TMEM71: variants seen among roughly 807,000 people sequenced by gnomAD.
TMEM71 encodes the protein transmembrane protein 71.
In TMEM71, 44 loss-of-function variants were observed where a neutral mutation model predicts 38.0. That is an observed-to-expected ratio of 1.16 (90% CI 0.91 to 1.49). The LOEUF (loss-of-function observed/expected upper bound fraction) is 1.49, where lower values mean the gene tolerates loss of function less well. Among genes scored for constraint, TMEM71 ranks in the 40% most tolerant of loss-of-function variants. TMEM71 has a pLI of 0.00. For synonymous variants in TMEM71, 133 were observed against 122.5 expected (o/e 1.09, Z -0.56); for missense variants, 367 against 348.6 (o/e 1.05, Z -0.42).
chr8:132,716,706 G>A (rs1586783848), intron 7 of TMEM71, among the ~76,000 whole-genome samples: 1 of 152,114 alleles, frequency 6.6e-6, no homozygotes, highest in East Asian at 1.9e-4. Flanking sequence ...GGTATTGAGG[G>A]ACAACTGTAT....
Position 132,724,432 on chromosome 8 carries a change from C to T in TMEM71, c.677-2317G>A, listed in dbSNP as rs138923224. Among the ~76,000 whole-genome samples, 492 of 152,192 alleles carry T rather than the reference C, an allele frequency of 3.2e-3. 2 individuals carry two copies. The highest frequency in any genetic ancestry group is 0.01 in the African/African-American group (432 of 41,526). On this transcript the variant is annotated intron_variant, in intron 6 of 9. Transcript: ENST00000677595. ...ATTCCTTGCTAGGAAAAGAATTTAG[C>T]GATGTCTCTCCTACTTGCACATCCA...
intron 5 of TMEM71, among the ~76,000 whole-genome samples, 180 bp downstream of exon 5, chr8:132,746,762 C>T (rs1380124678): frequency 6.6e-6 from 1 of 152,114 alleles, no homozygotes; most frequent in Non-Finnish European, 1.5e-5. Context: ...GACATAGACA[C>T]ATATGTGTTT....
chr8:132,765,929 C>T, the TMEM71 span, among the ~76,000 whole-genome samples: 1 of 152,060 alleles, frequency 6.6e-6, no homozygotes, highest in African/African-American at 2.4e-5. Context: ...GCTGGGATTA[C>T]AGGCACCCGC....
At chr8:132,721,142 T>C (rs935987119) in intron 7 of TMEM71, among the ~76,000 whole-genome samples, 1 of 152,168 alleles carries the variant, frequency 6.6e-6, no homozygotes, top group African/African-American at 2.4e-5. Flanking sequence ...TCTGGAGGAT[T>C]CTAAGAGGCA....
intron 7 of TMEM71, among the ~76,000 whole-genome samples, chr8:132,721,473 A>G (rs1368952226): frequency 6.6e-6 from 1 of 151,338 alleles, no homozygotes; most frequent in African/African-American, 2.4e-5. Flanking sequence ...AAAGCAATCC[A>G]CTGTAAAATA....
At chr8:132,706,990 T>C (rs1332085036), downstream of TMEM71, among the ~76,000 whole-genome samples, 1 of 152,176 alleles carries the variant, frequency 6.6e-6, no homozygotes. Flanking sequence ...CAACTTTCAG[T>C]TGGCAAGAAA....
intron 5 of TMEM71, 131 bp from the exon 6 acceptor site, chr8:132,728,117 C>A: frequency 1.6e-6 from 1 of 644,048 alleles, no homozygotes; most frequent in Non-Finnish European, 2.5e-6. Flanking sequence ...TACGGTATTG[C>A]ACTACCATAG....
rs751493294 is a variant in TMEM71 at position 132,714,215 on chromosome 8, T to C, written c.753A>G (p.Arg251=). Residue 251 remains arginine (R), a splice_region_variant and synonymous_variant, in exon 8 of 10, where the codon AGA becomes AGG. Coordinates refer to ENST00000677595, the MANE Select transcript of TMEM71 (RefSeq NM_001382403.1). The part of the protein sequence containing the change: ...AVCLIISACA[R]WFMGEILASV... ...TGGCTAATATTTCTCCCATAAACCA[T>C]CTGAAACAACAAGATTGCTCTGATT... 1 of 1,609,996 alleles carries C rather than the reference T, an allele frequency of 6.2e-7. No homozygotes were observed. The highest frequency in any genetic ancestry group is 1.1e-5 in the South Asian group (1 of 90,952).
intron 3 of TMEM71, among the ~76,000 whole-genome samples, chr8:132,753,841 G>T (rs770619971): frequency 1.3e-5 from 2 of 151,924 alleles, no homozygotes; most frequent in Admixed American, 6.6e-5. Context: ...ACCTAGTATG[G>T]GCTTAATAAA....
intron 5 of TMEM71, 55 bp from the exon 6 acceptor site, chr8:132,728,041 T>C (rs879603343): frequency 5.2e-6 from 7 of 1,354,880 alleles, no homozygotes; most frequent in Non-Finnish European, 7.1e-6. Context: ...TGTGTGTGTG[T>C]GTGTGTGTTC....
the TMEM71 span, among the ~76,000 whole-genome samples, chr8:132,773,572 T>C: frequency 6.6e-6 from 1 of 152,344 alleles, no homozygotes; most frequent in Non-Finnish European, 1.5e-5. Flanking sequence ...AGTCACTAGC[T>C]TGTGATTCAG....
chr8:132,721,124 T>A (rs1183261206), intron 7 of TMEM71, among the ~76,000 whole-genome samples: 1 of 152,170 alleles, frequency 6.6e-6, no homozygotes, highest in Non-Finnish European at 1.5e-5. Context: ...TCACAGGTAA[T>A]GAGGCTATCT....
chr8:132,717,219 A>T (rs75602011), intron 7 of TMEM71, among the ~76,000 whole-genome samples: 2,131 of 152,348 alleles, frequency 0.014, 50 homozygotes, highest in East Asian at 0.076. Context: ...ACCACAAAAA[A>T]AGAAAAAAAG....
At chr8:132,771,581 C>T in the TMEM71 span, among the ~76,000 whole-genome samples, 1 of 151,258 alleles carries the variant, frequency 6.6e-6, no homozygotes, top group East Asian at 1.9e-4. Context: ...TATATTACTT[C>T]AATATTATGT....
chr8:132,758,020 T>A (rs1829129925), intron 2 of TMEM71: 1 of 152,178 alleles, frequency 6.6e-6, no homozygotes, highest in Admixed American at 6.5e-5. Context: ...TTCTAGACTC[T>A]CCCTCATTAG....
intron 4 of TMEM71, among the ~76,000 whole-genome samples, chr8:132,750,150 G>A (rs2467980): frequency 0.3 from 46,136 of 151,828 alleles, 7,191 homozygotes; most frequent in Non-Finnish European, 0.33. Context: ...AATGGATGTA[G>A]GAATAAAAAG....
chr8:132,726,965 C>A (rs931331585), intron 6 of TMEM71, among the ~76,000 whole-genome samples: 1 of 151,776 alleles, frequency 6.6e-6, no homozygotes, highest in Admixed American at 6.6e-5. Flanking sequence ...AAGTGACTCT[C>A]CCTGTCTCAG....
At chr8:132,758,186 TA>T (rs1829140133) in intron 2 of TMEM71, 1 of 152,268 alleles carries the variant, frequency 6.6e-6, no homozygotes, top group Admixed American at 6.5e-5. Context: ...CGTTCCATTT[TA>T]ACCAAAGGCG....
chr8:132,764,729 G>T (rs1829342807), upstream of TMEM71, among the ~76,000 whole-genome samples: 1 of 152,186 alleles, frequency 6.6e-6, no homozygotes, highest in Non-Finnish European at 1.5e-5. Context: ...ACCAGGTTAT[G>T]GATCCCATAG....
Sources: allele counts gnomAD v4.1 joint callset (sites outside exome capture counted in the v4.1 genomes callset), GRCh38; gene constraint gnomAD v4.1.1; transcripts MANE v1.5; gene names NCBI Gene and HGNC (gene_info 2026-07-23, HGNC 2026-07-21).